Variants in DLG2 observed in about 807,000 individuals in gnomAD.
The protein encoded by DLG2 is discs large MAGUK scaffold protein 2.
Under a neutral mutation model 132.5 loss-of-function variants are expected in DLG2, and 45 were observed. The ratio of observed to expected loss-of-function variants is 0.34; its 90% CI spans 0.27 to 0.44. The LOEUF (loss-of-function observed/expected upper bound fraction) is 0.44. DLG2 is among the 20% of genes least tolerant of loss of function. The probability of loss-of-function intolerance (pLI) is 1.00; values close to 1 mark genes in which losing one functional copy is unlikely to be tolerated. For missense variants in DLG2, 1,045 were observed against 1,196.9 expected, an observed-to-expected ratio of 0.87 and a Z score of 1.87; for synonymous variants, 424 against 419.6, an observed-to-expected ratio of 1.01 and a Z score of -0.13.
intron 11 of DLG2, among the ~76,000 whole-genome samples, chr11:83,982,141 C>A (rs967984009): frequency 1.3e-5 from 2 of 152,060 alleles, no homozygotes; most frequent in Non-Finnish European, 2.9e-5. Flanking sequence ...ATAAATAATA[C>A]TTGATAATGA....
Position 84,999,271 on chromosome 11 carries a change from A to G in DLG2, c.357+112390T>C, listed in dbSNP as rs115051083. On this transcript the variant is annotated intron_variant, in intron 6 of 27. Transcript: ENST00000376104. The stretch of plus-strand genomic sequence containing the variant: ...AGATACTCCTATAAATATTTACCAT[A>G]GAAATCCTAAGAAATATTTTTACTC... Among the ~76,000 whole-genome samples, 1,124 of 152,266 alleles carry G rather than the reference A, an allele frequency of 7.4e-3. 13 individuals carry two copies. Among genetic ancestry groups the G allele is most frequent in the African/African-American group, 0.026 (1,069 of 41,572 alleles).
intron 4 of DLG2, among the ~76,000 whole-genome samples, chr11:85,184,536 T>G (rs980416435): frequency 1.3e-5 from 2 of 151,812 alleles, no homozygotes; most frequent in Non-Finnish European, 2.9e-5. Context: ...GTGAGACTAG[T>G]TGAAGCCATG....
chr11:84,180,864 A>G (rs944642627), intron 8 of DLG2, among the ~76,000 whole-genome samples: 1 of 152,084 alleles, frequency 6.6e-6, no homozygotes, highest in Non-Finnish European at 1.5e-5. Flanking sequence ...TCAGACAAAC[A>G]AAAATTAAGG....
chr11:85,335,392 T>C (rs564321712), intron 3 of DLG2, among the ~76,000 whole-genome samples: 89 of 152,190 alleles, frequency 5.8e-4, no homozygotes, highest in Non-Finnish European at 1.1e-3. Flanking sequence ...TTGCCTTTTA[T>C]TGGGGCATTT....
chr11:84,784,369 T>A (rs184898752), intron 6 of DLG2, among the ~76,000 whole-genome samples: 2 of 148,852 alleles, frequency 1.3e-5, no homozygotes, highest in Non-Finnish European at 3.0e-5. Context: ...AATAAATAAA[T>A]TAAACAAGAG....
At chr11:85,410,907 CT>C (rs2089254012) in intron 3 of DLG2, among the ~76,000 whole-genome samples, 1 of 151,830 alleles carries the variant, frequency 6.6e-6, no homozygotes, top group Admixed American at 6.6e-5. Flanking sequence ...ATTATTGTCA[CT>C]CTTTGCTTCA....
At chr11:85,404,810 G>T (rs1374638930) in intron 3 of DLG2, among the ~76,000 whole-genome samples, 1 of 151,896 alleles carries the variant, frequency 6.6e-6, no homozygotes, top group South Asian at 2.1e-4. Context: ...CATTTTTAGT[G>T]GTCACTTTAC....
At chr11:83,561,811 G>A (rs2096613682) in intron 19 of DLG2, among the ~76,000 whole-genome samples, 1 of 151,436 alleles carries the variant, frequency 6.6e-6, no homozygotes, top group South Asian at 2.1e-4. Flanking sequence ...TAAGTACCAG[G>A]TAGGGCAGTA....
chr11:84,844,418 C>T (rs774190056), intron 6 of DLG2, among the ~76,000 whole-genome samples: 5 of 151,216 alleles, frequency 3.3e-5, no homozygotes, highest in Non-Finnish European at 7.4e-5. Context: ...GAGGACGGTC[C>T]CCTCCCCACA....
chr11:85,307,746 T>C lies in DLG2; in HGVS notation c.41-22381A>G, dbSNP rs56956136. Among the ~76,000 whole-genome samples, 381 of 152,378 alleles carry C rather than the reference T, an allele frequency of 2.5e-3. 4 individuals carry two copies. The highest frequency in any genetic ancestry group is 8.9e-3 in the African/African-American group (369 of 41,590). The stretch of plus-strand genomic sequence containing the variant: ...CTGATTTAGTTCCTTATCCATGTGC[T>C]ATCTAGTCTGGTCTCTCTATTTAGG... On this transcript the variant is annotated intron_variant, in intron 3 of 27. Coordinates refer to ENST00000376104, the MANE Select transcript of DLG2 (RefSeq NM_001142699.3).
intron 7 of DLG2, among the ~76,000 whole-genome samples, chr11:84,302,853 G>A (rs1482387720): frequency 5.9e-5 from 9 of 152,042 alleles, no homozygotes; most frequent in Admixed American, 2.6e-4. Context: ...TTGGGAGACC[G>A]AGGAAGGTGG....
chr11:84,110,520 C>T (rs545402449), intron 9 of DLG2, among the ~76,000 whole-genome samples: 3 of 152,206 alleles, frequency 2.0e-5, no homozygotes, highest in South Asian at 4.1e-4. Context: ...AGGGGAAATG[C>T]TTGTGAAGGA....
chr11:85,566,217 T>C (rs1161020925), intron 3 of DLG2, among the ~76,000 whole-genome samples: 1 of 152,204 alleles, frequency 6.6e-6, no homozygotes, highest in Non-Finnish European at 1.5e-5. Flanking sequence ...TGTTAATCCA[T>C]AGAATTCTTT....
chr11:84,808,246 A>T (rs2076210144), intron 6 of DLG2, among the ~76,000 whole-genome samples: 1 of 152,150 alleles, frequency 6.6e-6, no homozygotes, highest in South Asian at 2.1e-4. Context: ...GTGTCAAGAG[A>T]AAGTCTCAAG....
chr11:84,317,108 CG>C (rs759881995), intron 7 of DLG2: 1 of 1,612,778 alleles, frequency 6.2e-7, no homozygotes, highest in East Asian at 2.2e-5. Flanking sequence ...ATCGGACCCC[CG>C]GCTGCAGCTG....
chr11:84,788,862 T>C (rs977986220), intron 6 of DLG2, among the ~76,000 whole-genome samples: 3 of 152,162 alleles, frequency 2.0e-5, no homozygotes, highest in African/African-American at 7.2e-5. Flanking sequence ...CAGGGTTTCC[T>C]CATATTATGG....
intron 3 of DLG2, among the ~76,000 whole-genome samples, chr11:85,418,166 G>T (rs1271635533): frequency 6.6e-6 from 1 of 152,102 alleles, no homozygotes; most frequent in South Asian, 2.1e-4. Flanking sequence ...TGGTTTCAAA[G>T]AACTTATTTA....
At position 85,222,000 on chromosome 11, in the gene DLG2, C is replaced by T. The variant is rs1212891591; in HGVS notation, c.186+63220G>A. 3.3e-5 allele frequency among the ~76,000 whole-genome samples: 5 copies of T among 151,726 alleles called. 1 individual carries two copies. Among genetic ancestry groups the T allele is most frequent in the Middle Eastern group, 6.8e-3 (2 of 292 alleles). ...CCAGCCAGGCTGGAATGCAGTGGCA[C>T]AATCTCAGGTCACCACAAGCTCCAC... On this transcript the variant is annotated intron_variant, in intron 4 of 27. Transcript: ENST00000376104.
chr11:85,231,432 G>T (rs972301196), intron 4 of DLG2, among the ~76,000 whole-genome samples: 4 of 151,542 alleles, frequency 2.6e-5, no homozygotes, highest in Non-Finnish European at 2.9e-5. Context: ...TTCATGGCTG[G>T]GATTTTCCAC....
Sources: gnomAD v4.1 joint callset for allele counts (sites outside exome capture counted in the v4.1 genomes callset) on GRCh38, gnomAD v4.1.1 for gene constraint, MANE v1.5 for transcripts, NCBI Gene and HGNC (gene_info 2026-07-23, HGNC 2026-07-21) for gene names.